RCOR1: variants seen among roughly 807,000 people sequenced by gnomAD.
RCOR1 encodes REST corepressor.
Under a neutral mutation model 64.0 loss-of-function variants are expected in RCOR1, and 12 were observed. The ratio of observed to expected loss-of-function variants is 0.19; its 90% CI spans 0.12 to 0.30. The LOEUF (loss-of-function observed/expected upper bound fraction) is 0.30, where lower values mean the gene tolerates loss of function less well. RCOR1 is among the 10% of genes least tolerant of loss of function. The probability of loss-of-function intolerance (pLI) is 1.00; values close to 1 mark genes in which losing one functional copy is unlikely to be tolerated. For missense variants in RCOR1, 502 were observed against 621.2 expected, an observed-to-expected ratio of 0.81 and a Z score of 2.04; for synonymous variants, 279 against 227.2, an observed-to-expected ratio of 1.23 and a Z score of -2.05.
intron 2 of RCOR1, among the ~76,000 whole-genome samples, chr14:102,656,385 T>C (rs984826549): frequency 2.0e-5 from 3 of 151,222 alleles, no homozygotes; most frequent in African/African-American, 7.3e-5. Context: ...GCGATCCGCC[T>C]GCTCAGCCTC....
chr14:102,608,987 A>G (rs1595192550), intron 2 of RCOR1, among the ~76,000 whole-genome samples: 1 of 134,424 alleles, frequency 7.4e-6, no homozygotes, highest in Non-Finnish European at 1.6e-5. Flanking sequence ...TATATCTATT[A>G]GTGGAATTGC....
At chr14:102,695,700 C>T (rs1293455970) in intron 3 of RCOR1, among the ~76,000 whole-genome samples, 1 of 151,602 alleles carries the variant, frequency 6.6e-6, no homozygotes, top group Non-Finnish European at 1.5e-5. Flanking sequence ...CATGAGCCAC[C>T]ATGCCCTGCT....
chr14:102,675,357 A>T (rs895792835), intron 2 of RCOR1, among the ~76,000 whole-genome samples: 3 of 152,176 alleles, frequency 2.0e-5, no homozygotes, highest in African/African-American at 7.2e-5. Flanking sequence ...ATGCATACAT[A>T]CCTATGATAA....
chr14:102,718,765 C>T (rs142631972), intron 8 of RCOR1, among the ~76,000 whole-genome samples: 1 of 152,030 alleles, frequency 6.6e-6, no homozygotes, highest in Non-Finnish European at 1.5e-5. Flanking sequence ...TTAATAAACA[C>T]TAGATGTTTG....
chr14:102,680,531 G>A (rs1895281987), intron 2 of RCOR1, among the ~76,000 whole-genome samples: 1 of 152,268 alleles, frequency 6.6e-6, no homozygotes, highest in South Asian at 2.1e-4. Context: ...ACTTGGGCTG[G>A]GCGTGGTGGC....
chr14:102,725,079 G>A (rs1595248344), intron 11 of RCOR1, among the ~76,000 whole-genome samples: 1 of 152,178 alleles, frequency 6.6e-6, no homozygotes, highest in South Asian at 2.1e-4. Context: ...GTTATTTGAC[G>A]TGGACAAGGG....
At chr14:102,617,583 CTTTCTTTTTTTTT>C (rs1388477737) in intron 2 of RCOR1, among the ~76,000 whole-genome samples, 2 of 113,680 alleles carry the variant, frequency 1.8e-5, no homozygotes, top group East Asian at 4.7e-4. Flanking sequence ...GACACTGTCT[CTTTCTTTTTTTTT>C]TTTTTTTTTT....
At chr14:102,654,009 G>A (rs1285175767) in intron 2 of RCOR1, among the ~76,000 whole-genome samples, 4 of 86,384 alleles carry the variant, frequency 4.6e-5, no homozygotes, top group African/African-American at 1.7e-4. Context: ...TTTTTGAGAC[G>A]GAGTCTGGCT....
At chr14:102,676,667 T>G (rs1343590048) in intron 2 of RCOR1, among the ~76,000 whole-genome samples, 3 of 103,154 alleles carry the variant, frequency 2.9e-5, no homozygotes, top group Non-Finnish European at 5.9e-5. Context: ...ACGGGGCGGC[T>G]GGCTGGGCGG....
At chr14:102,643,021 G>A (rs1894400938) in intron 2 of RCOR1, among the ~76,000 whole-genome samples, 1 of 152,142 alleles carries the variant, frequency 6.6e-6, no homozygotes, top group African/African-American at 2.4e-5. Flanking sequence ...AGTGGCTCAC[G>A]CCTGTAATCC....
chr14:102,683,580 T>A (rs1353520691), intron 3 of RCOR1, among the ~76,000 whole-genome samples: 1 of 152,174 alleles, frequency 6.6e-6, no homozygotes, highest in African/African-American at 2.4e-5. Flanking sequence ...CAGCGGGGCT[T>A]CCCCGGGGGT....
rs929782735 is a variant in RCOR1, at chr14:102,612,828, G to A, written c.361+19503G>A. The stretch of plus-strand genomic sequence containing the variant: ...ACATAGCAAGACCTTGTCTCTACGT[G>A]CACCTGTAGTCCTGGCTACTTGGGA... On this transcript the variant is annotated intron_variant, in intron 2 of 11. Transcript: ENST00000262241. Among the ~76,000 whole-genome samples, 3 of 151,640 alleles carry A rather than the reference G, an allele frequency of 2.0e-5. No homozygotes were observed. In the East Asian group the frequency reaches 5.9e-4, roughly 30 times the overall value.
At chr14:102,632,224 T>G (rs1303866359) in intron 2 of RCOR1, among the ~76,000 whole-genome samples, 12 of 150,994 alleles carry the variant, frequency 7.9e-5, no homozygotes, top group African/African-American at 2.9e-4. Context: ...TTGGGTTTTT[T>G]TTTTTTTTTT....
chr14:102,622,344 C>A (rs1020887627), intron 2 of RCOR1, among the ~76,000 whole-genome samples: 1 of 152,310 alleles, frequency 6.6e-6, no homozygotes, highest in African/African-American at 2.4e-5. Flanking sequence ...AGCCCTAAAA[C>A]TTTGGCTGTT....
chr14:102,646,484 G>A (rs1026472781), intron 2 of RCOR1, among the ~76,000 whole-genome samples: 1 of 152,172 alleles, frequency 6.6e-6, no homozygotes, highest in African/African-American at 2.4e-5. Context: ...AAGGTATAAA[G>A]TAGGGGTCCA....
chr14:102,692,388 G>A (rs1235989233), intron 3 of RCOR1, among the ~76,000 whole-genome samples: 2 of 151,432 alleles, frequency 1.3e-5, no homozygotes, highest in Non-Finnish European at 2.9e-5. Flanking sequence ...ATGTTTAAGA[G>A]TACTGGGTCA....
At position 102,592,858 on chromosome 14, in the gene RCOR1, C is replaced by T; in HGVS notation, c.-29C>T. ...CCTCCTCAGGAGCCGCGGGTCCCCG[C>T]CACTTTCGCACGGCCCCGGCCCCCG... On this transcript the variant is annotated 5_prime_UTR_variant, in exon 1 of 12. Transcript: ENST00000262241. 1 of 1,183,052 alleles carries T rather than the reference C, an allele frequency of 8.5e-7. No individual in the cohort carries two copies. Among genetic ancestry groups the T allele is most frequent in the Non-Finnish European group, 1.0e-6 (1 of 959,010 alleles). 73.3% of individuals were successfully genotyped at this position (1,183,052 alleles called of 1,614,324 possible).
At chr14:102,619,437 A>G (rs186651860) in intron 2 of RCOR1, among the ~76,000 whole-genome samples, 36 of 142,018 alleles carry the variant, frequency 2.5e-4, no homozygotes, top group East Asian at 1.3e-3. Context: ...CTATCTATCT[A>G]TCTGTCTGTC....
At chr14:102,597,937 C>T (rs1486018286) in intron 2 of RCOR1, among the ~76,000 whole-genome samples, 1 of 151,806 alleles carries the variant, frequency 6.6e-6, no homozygotes, top group Admixed American at 6.6e-5. Context: ...ATTCTCCTGC[C>T]TCAGCCTCCC....
Sources: allele counts gnomAD v4.1 joint callset (sites outside exome capture counted in the v4.1 genomes callset), GRCh38; gene constraint gnomAD v4.1.1; transcripts MANE v1.5; gene names NCBI Gene and HGNC (gene_info 2026-07-23, HGNC 2026-07-21).